PLCXD3: variants seen among roughly 807,000 people sequenced by gnomAD.
PLCXD3 encodes the protein phosphatidylinositol specific phospholipase C X domain containing 3, also known as PI-PLC X domain-containing protein 3.
Under a neutral mutation model 25.5 loss-of-function variants are expected in PLCXD3, and 19 were observed. That is an observed-to-expected ratio of 0.75 (90% confidence interval 0.52 to 1.09). The LOEUF is 1.09. PLCXD3 is among the 50% of genes least tolerant of loss of function. The pLI, the probability that PLCXD3 is intolerant of heterozygous loss-of-function variation, is 0.00. For synonymous variants in PLCXD3, 174 were observed against 137.6 expected (o/e 1.26, Z -1.85); for missense variants, 411 against 388.1 (o/e 1.06, Z -0.50).
At chr5:41,434,971 T>C (rs1239233030) in intron 1 of PLCXD3, among the ~76,000 whole-genome samples, 1 of 152,190 alleles carries the variant, frequency 6.6e-6, no homozygotes, top group African/African-American at 2.4e-5. Flanking sequence ...CACACGCTCA[T>C]AAAAATTTTC....
At position 41,462,964 on chromosome 5, in the gene PLCXD3, T is replaced by C. The variant is rs528872157; in HGVS notation, c.103+47460A>G. ...GCTAGACTGATTTGAGTAGAAGAATTAATGAAAAGTAAGAAAATGGAAATA... is the reference window on the plus strand; with the variant it reads ...GCTAGACTGATTTGAGTAGAAGAATCAATGAAAAGTAAGAAAATGGAAATA... On this transcript the variant is annotated intron_variant, in intron 1 of 2. Coordinates refer to ENST00000377801, the MANE Select transcript of PLCXD3 (RefSeq NM_001005473.3). Among the ~76,000 whole-genome samples, 3 of 151,770 alleles carry C rather than the reference T, an allele frequency of 2.0e-5. No individual in the cohort carries two copies. The South Asian group carries it at 6.3e-4, about 32-fold the overall frequency.
At chr5:41,351,079 A>C (rs1020128711) in intron 2 of PLCXD3, among the ~76,000 whole-genome samples, 1 of 152,216 alleles carries the variant, frequency 6.6e-6, no homozygotes, top group Non-Finnish European at 1.5e-5. Context: ...TATAAACTAT[A>C]AATTATGTTT....
At chr5:41,337,941 C>A (rs187564111) in intron 2 of PLCXD3, among the ~76,000 whole-genome samples, 38 of 152,154 alleles carry the variant, frequency 2.5e-4, no homozygotes, top group Non-Finnish European at 4.7e-4. Context: ...ATCATATTAC[C>A]TGACACTTTT....
At chr5:41,403,372 T>C (rs1349077803) in intron 1 of PLCXD3, among the ~76,000 whole-genome samples, 2 of 128,762 alleles carry the variant, frequency 1.6e-5, no homozygotes, top group African/African-American at 3.0e-5. Context: ...AATACCCATA[T>C]GCCATTTACC....
rs1233071633 is a variant in PLCXD3 at position 41,329,960 on chromosome 5, A to T, written c.813-16190T>A. Among the ~76,000 whole-genome samples, 3 of 151,880 alleles carry T rather than the reference A, an allele frequency of 2.0e-5. No homozygotes were observed. In the East Asian group the frequency reaches 5.8e-4, roughly 29 times the overall value. On this transcript the variant is annotated intron_variant, in intron 2 of 2. Transcript: ENST00000377801. ...AATACCTTTATAACAATTGTATTTC[A>T]TATATGCTACTTCTCTAACACCTCT...
chr5:41,348,793 T>A (rs1417184125), intron 2 of PLCXD3, among the ~76,000 whole-genome samples: 2 of 152,094 alleles, frequency 1.3e-5, no homozygotes, highest in Non-Finnish European at 2.9e-5. Context: ...GCTGATACCA[T>A]GACTGCTTGG....
At chr5:41,336,596 CT>C (rs748232478) in intron 2 of PLCXD3, among the ~76,000 whole-genome samples, 2 of 152,158 alleles carry the variant, frequency 1.3e-5, no homozygotes, top group Non-Finnish European at 2.9e-5. Context: ...AGTGCTCATT[CT>C]TCTAGCTTCT....
At position 41,488,661 on chromosome 5, in the gene PLCXD3, G is replaced by A. The variant is rs1288254743; in HGVS notation, c.103+21763C>T. Among the ~76,000 whole-genome samples, 1,115 of 146,580 alleles carry A rather than the reference G, an allele frequency of 7.6e-3. 38 individuals carry two copies. Among genetic ancestry groups the A allele is most frequent in the Non-Finnish European group, 0.012 (795 of 67,262 alleles). The stretch of plus-strand genomic sequence containing the variant: ...TGGTATCTCATTGTGGTTTTGATTT[G>A]CATTTCTCTGATGGCCAGTGATGGT... On this transcript the variant is annotated intron_variant, in intron 1 of 2. Transcript: ENST00000377801.
intron 1 of PLCXD3, among the ~76,000 whole-genome samples, chr5:41,435,685 T>G (rs1415781341): frequency 2.0e-5 from 3 of 152,222 alleles, no homozygotes; most frequent in Non-Finnish European, 4.4e-5. Context: ...AAAACACTAA[T>G]TCTGAGGAAA....
At chr5:41,457,903 G>T (rs781332425) in intron 1 of PLCXD3, among the ~76,000 whole-genome samples, 10 of 151,942 alleles carry the variant, frequency 6.6e-5, no homozygotes, top group East Asian at 1.9e-4. Flanking sequence ...TTCTAAGAAA[G>T]AAAACAGTCA....
intron 2 of PLCXD3, among the ~76,000 whole-genome samples, chr5:41,322,775 G>A (rs1378187272): frequency 1.3e-5 from 2 of 151,704 alleles, no homozygotes; most frequent in Non-Finnish European, 2.9e-5. Context: ...AGGAGATCGA[G>A]GCCATCCTGG....
intron 2 of PLCXD3, among the ~76,000 whole-genome samples, chr5:41,337,020 G>A (rs1025256579): frequency 2.0e-5 from 3 of 152,110 alleles, no homozygotes; most frequent in African/African-American, 4.8e-5. Flanking sequence ...TAAGAATTAC[G>A]AGTGGCCTCT....
rs118064098 is a variant in PLCXD3 at position 41,422,758 on chromosome 5, G to A, written c.104-40224C>T. Among the ~76,000 whole-genome samples, 56 of 151,944 alleles carry A rather than the reference G, an allele frequency of 3.7e-4. No individual in the cohort carries two copies. In the East Asian group the frequency reaches 6.2e-3, roughly 17 times the overall value. ...TTTATTTCCAGGTATCTTTTACTTCGTTTGCTATAAAAGTGGCATTTTTTT... is the reference window on the plus strand; with the variant it reads ...TTTATTTCCAGGTATCTTTTACTTCATTTGCTATAAAAGTGGCATTTTTTT... On this transcript the variant is annotated intron_variant, in intron 1 of 2. Coordinates refer to ENST00000377801, the MANE Select transcript of PLCXD3 (RefSeq NM_001005473.3).
At chr5:41,469,711 A>G (rs1212485400) in intron 1 of PLCXD3, among the ~76,000 whole-genome samples, 1 of 152,218 alleles carries the variant, frequency 6.6e-6, no homozygotes, top group African/African-American at 2.4e-5. Context: ...CAATTAAATA[A>G]TAAATGGGAA....
At chr5:41,429,908 T>C in intron 1 of PLCXD3, among the ~76,000 whole-genome samples, 1 of 152,150 alleles carries the variant, frequency 6.6e-6, no homozygotes, top group East Asian at 1.9e-4. Flanking sequence ...ATATTATATT[T>C]TTAGAAAAAT....
intron 1 of PLCXD3, among the ~76,000 whole-genome samples, chr5:41,496,736 A>T (rs1366194826): frequency 6.6e-6 from 1 of 151,794 alleles, no homozygotes; most frequent in Non-Finnish European, 1.5e-5. Flanking sequence ...ATAATAATGT[A>T]AAAGCGTAGG....
chr5:41,435,847 G>T (rs556533170), intron 1 of PLCXD3, among the ~76,000 whole-genome samples: 1 of 152,158 alleles, frequency 6.6e-6, no homozygotes, highest in Non-Finnish European at 1.5e-5. Flanking sequence ...TCCTTCTCCC[G>T]TAAAGAAACA....
intron 2 of PLCXD3, among the ~76,000 whole-genome samples, chr5:41,363,525 A>G (rs1744848684): frequency 6.6e-6 from 1 of 152,212 alleles, no homozygotes; most frequent in Non-Finnish European, 1.5e-5. Flanking sequence ...ATTATTACCC[A>G]TGGAGATGAC....
chr5:41,404,017 T>C (rs773200012), intron 1 of PLCXD3, among the ~76,000 whole-genome samples: 24 of 152,294 alleles, frequency 1.6e-4, no homozygotes, highest in Non-Finnish European at 3.2e-4. Context: ...AAGTGGTGCA[T>C]AGAGTCAGGT....
Sources: allele counts gnomAD v4.1 joint callset (sites outside exome capture counted in the v4.1 genomes callset), GRCh38; gene constraint gnomAD v4.1.1; transcripts MANE v1.5; gene names NCBI Gene and HGNC (gene_info 2026-07-23, HGNC 2026-07-21).